Variants in PAK3 observed in about 807,000 individuals in gnomAD.
PAK3 encodes the protein p21 (RAC1) activated kinase 3.
PAK3 carries 4 observed loss-of-function variants against 41.0 expected under a neutral mutation model. The ratio of observed to expected loss-of-function variants is 0.10; its 90% CI spans 0.05 to 0.22. PAK3 has a LOEUF of 0.22. Among genes scored for constraint, PAK3 ranks in the 10% least tolerant of loss-of-function variants. The pLI is 1.00. For synonymous variants in PAK3, 146 were observed against 139.6 expected, an observed-to-expected ratio of 1.05 and a Z score of -0.32; for missense variants, 205 against 409.9, an observed-to-expected ratio of 0.50 and a Z score of 4.32.
At chrX:111,160,615 G>A (rs76073165) in intron 8 of PAK3, among the ~76,000 whole-genome samples, 15,061 of 89,808 alleles carry the variant, frequency 0.17, 2,574 homozygotes, top group African/African-American at 0.49. Flanking sequence ...ATCCCTCCCC[G>A]CTCCCCCCAC....
chrX:111,085,820 C>T (rs2092877030), intron 1 of PAK3, among the ~76,000 whole-genome samples: 1 of 111,491 alleles, frequency 9.0e-6, no homozygotes, highest in Non-Finnish European at 1.9e-5. Context: ...TAAATGAAAT[C>T]GATAAGACCG....
At chrX:111,078,277 T>G (rs1033333579) in intron 1 of PAK3, among the ~76,000 whole-genome samples, 29 of 110,120 alleles carry the variant, frequency 2.6e-4, no homozygotes, top group Non-Finnish European at 4.9e-4. Context: ...TTTTGTTTTT[T>G]TTTTTTTACA....
chrX:111,038,210 G>T (rs1341500532), intron 1 of PAK3, among the ~76,000 whole-genome samples: 2 of 112,052 alleles, frequency 1.8e-5, no homozygotes, highest in Admixed American at 1.9e-4. Flanking sequence ...ATATGTTGGG[G>T]GCAGGAAGCA....
At chrX:110,947,754 C>T (rs1208053549) in intron 1 of PAK3, among the ~76,000 whole-genome samples, 2 of 111,558 alleles carry the variant, frequency 1.8e-5, no homozygotes, top group East Asian at 2.8e-4. Context: ...TTGAGAGACA[C>T]GTTCTTTGGG....
chrX:111,133,195 A>G lies in PAK3; in HGVS notation c.176-8901A>G, dbSNP rs766753862. ...ATCTTTCTTCCCTTCCTGATTTCCA[A>G]GGCTACACCCTACTTATTTATTGTG... is the stretch of plus-strand genomic sequence containing the variant. On this transcript the variant is annotated intron_variant, in intron 5 of 17. Transcript: ENST00000372007. Among the ~76,000 whole-genome samples the G allele has an allele frequency of 4.5e-5, 5 of 111,605 alleles. No individual in the cohort carries two copies. The South Asian group carries it at 1.9e-3, about 42-fold the overall frequency.
rs140624269 is a variant in PAK3, at chrX:110,987,411, C to G, written c.-28+42783C>G. Among the ~76,000 whole-genome samples the G allele has an allele frequency of 3.3e-4, 37 of 111,391 alleles. No homozygotes were observed. In the East Asian group the frequency reaches 9.7e-3, roughly 29 times the overall value. On this transcript the variant is annotated intron_variant, in intron 1 of 14. Transcript: ENST00000425146. Reference sequence around the variant, plus strand: ...AAAGCAACCCATCCCTTCCTCTTCTCCCTTAAAGGGAACTAGACCTAAAAT... The same window carrying G: ...AAAGCAACCCATCCCTTCCTCTTCTGCCTTAAAGGGAACTAGACCTAAAAT...
intron 1 of PAK3, among the ~76,000 whole-genome samples, chrX:111,089,940 C>T (rs1459051256): frequency 9.0e-6 from 1 of 110,646 alleles, no homozygotes; most frequent in African/African-American, 3.3e-5. Context: ...ATGTAGCGTC[C>T]GTAGCACCTA....
chrX:111,188,763 G>T (rs1754154420), intron 11 of PAK3, among the ~76,000 whole-genome samples: 2 of 111,946 alleles, frequency 1.8e-5, no homozygotes, highest in South Asian at 7.4e-4. Context: ...TGCTTACATA[G>T]ATTGTGCCAT....
At position 111,206,996 on chromosome X, in the gene PAK3, AACAAAAG is replaced by A. The variant is rs2094755819; in HGVS notation, c.1408-9423_1408-9417del. 5.4e-5 allele frequency among the ~76,000 whole-genome samples: 6 copies of A among 110,310 alleles called. 1 individual carries two copies. In the South Asian group the frequency reaches 2.3e-3, roughly 43 times the overall value. The stretch of plus-strand genomic sequence containing the variant: ...CAAAGTTAGTTGGAGATTCTAAAAC[AACAAAAG>A]AATCAGATTAGGAGTCAGTTGCAGG... On this transcript the variant is annotated intron_variant, in intron 16 of 17. Coordinates refer to ENST00000372007, the MANE Select transcript of PAK3 (RefSeq NM_002578.5).
At chrX:111,016,921 G>A (rs914791375) in intron 1 of PAK3, among the ~76,000 whole-genome samples, 2 of 111,319 alleles carry the variant, frequency 1.8e-5, no homozygotes, top group Non-Finnish European at 3.8e-5. Flanking sequence ...TAAAATTAAT[G>A]TTGCCTTTGG....
In PAK3 at chrX:111,053,773, C is replaced by A. The variant is rs552737709; in HGVS notation, c.-27-69304C>A. On this transcript the variant is annotated intron_variant, in intron 1 of 14. Coordinates refer to the PAK3 transcript ENST00000425146. ...CTGAATAGCATGAGCCCAGACAGCA[C>A]CTCCTCAGACCAGGTTCACACCACC... Among the ~76,000 whole-genome samples the A allele has an allele frequency of 4.1e-4, 46 of 111,412 alleles. 1 individual carries two copies. The highest frequency in any genetic ancestry group is 1.5e-3 in the African/African-American group (46 of 30,601).
chrX:111,151,781 T>C, intron 7 of PAK3, among the ~76,000 whole-genome samples: 1 of 111,733 alleles, frequency 8.9e-6, no homozygotes, highest in East Asian at 2.8e-4. Flanking sequence ...CTTTTGCTCT[T>C]TGGGGCCATT....
chrX:111,146,394 C>A, intron 6 of PAK3: 1 of 489,821 alleles, frequency 2.0e-6, no homozygotes, highest in Non-Finnish European at 3.5e-6. Context: ...TCCCTATTTT[C>A]ATAACTGCCC....
intron 1 of PAK3, among the ~76,000 whole-genome samples, chrX:111,010,642 C>T (rs906883506): frequency 1.8e-5 from 2 of 110,960 alleles, no homozygotes; most frequent in African/African-American, 6.6e-5. Context: ...CTCTCTTGCT[C>T]CCTCTCTCAC....
intron 8 of PAK3, among the ~76,000 whole-genome samples, chrX:111,157,691 G>A (rs1301079213): frequency 9.1e-6 from 1 of 109,656 alleles, no homozygotes; most frequent in Non-Finnish European, 1.9e-5. Context: ...GGAGGCTGAG[G>A]CAGGAGAATC....
chrX:111,057,667 C>T (rs1438304503), intron 1 of PAK3, among the ~76,000 whole-genome samples: 14 of 111,565 alleles, frequency 1.3e-4, no homozygotes, highest in African/African-American at 4.2e-4. Flanking sequence ...TAACTAATTG[C>T]ATTTTTTAAT....
chrX:111,035,814 G>C (rs766192774), intron 1 of PAK3, among the ~76,000 whole-genome samples: 3 of 111,953 alleles, frequency 2.7e-5, no homozygotes, highest in Admixed American at 1.9e-4. Flanking sequence ...TGGAGAGAAA[G>C]TTTAAGTAGG....
chrX:111,115,574 C>A (rs2093449292), intron 4 of PAK3, among the ~76,000 whole-genome samples: 1 of 111,192 alleles, frequency 9.0e-6, no homozygotes, highest in Admixed American at 9.6e-5. Context: ...TTAACCATAG[C>A]TCCCAAATGA....
At chrX:110,964,092 C>T (rs1478916031) in intron 1 of PAK3, among the ~76,000 whole-genome samples, 3 of 111,773 alleles carry the variant, frequency 2.7e-5, no homozygotes, top group East Asian at 5.6e-4. Flanking sequence ...CTGTCACATA[C>T]ATTTTTATTA....
Sources: allele counts gnomAD v4.1 joint callset (sites outside exome capture counted in the v4.1 genomes callset), GRCh38; gene constraint gnomAD v4.1.1; transcripts MANE v1.5; gene names NCBI Gene and HGNC (gene_info 2026-07-23, HGNC 2026-07-21).